The following USH2A variants were observed in gnomAD, a reference collection of about 807,000 sequenced individuals.
The protein encoded by USH2A is Usher syndrome 2A (autosomal recessive, mild).
In USH2A, 443 loss-of-function variants were observed where a neutral mutation model predicts 538.9. The observed-to-expected ratio is 0.82, with a 90% CI of 0.76 to 0.89. The LOEUF (loss-of-function observed/expected upper bound fraction) is 0.89. Ranked by LOEUF, USH2A falls within the 40% of genes least tolerant of loss-of-function variation. USH2A has a pLI of 0.00. For synonymous variants in USH2A, 2,413 were observed against 2,273.5 expected (o/e 1.06, Z -1.75); for missense variants, 6,633 against 6,324.8 (o/e 1.05, Z -1.65).
At chr1:215,932,380 A>G (rs1666387529) in intron 38 of USH2A, among the ~76,000 whole-genome samples, 1 of 152,020 alleles carries the variant, frequency 6.6e-6, no homozygotes, top group Admixed American at 6.6e-5. Flanking sequence ...ATTCTACTTA[A>G]ACACACATAT....
chr1:215,802,064 C>T (rs544432829), intron 49 of USH2A, among the ~76,000 whole-genome samples: 12 of 151,456 alleles, frequency 7.9e-5, no homozygotes, highest in African/African-American at 2.9e-4. Context: ...AGTTGAATAT[C>T]CACATGCCAA....
chr1:216,322,140 GT>G (rs772760203), intron 8 of USH2A, among the ~76,000 whole-genome samples, 164 bp from the exon 9 acceptor site: 9 of 152,222 alleles, frequency 5.9e-5, no homozygotes, highest in Admixed American at 1.3e-4. Context: ...ATCCATACAC[GT>G]TTTTAATTTA....
intron 37 of USH2A, among the ~76,000 whole-genome samples, chr1:215,950,950 T>C (rs913396437): frequency 1.3e-5 from 2 of 152,224 alleles, no homozygotes; most frequent in African/African-American, 4.8e-5. Context: ...TCTTTTCTTC[T>C]TTATTAGTCT....
intron 44 of USH2A, among the ~76,000 whole-genome samples, chr1:215,854,123 C>T (rs1020801832): frequency 2.6e-5 from 4 of 152,156 alleles, no homozygotes; most frequent in Non-Finnish European, 5.9e-5. Context: ...TTACTGGGCT[C>T]ATAGTTCCAC....
chr1:216,138,713 G>C (rs2033537550), intron 21 of USH2A, among the ~76,000 whole-genome samples: 1 of 151,920 alleles, frequency 6.6e-6, no homozygotes, highest in Non-Finnish European at 1.5e-5. Flanking sequence ...CCCTGCTTCT[G>C]ACTCAGGGCA....
intron 56 of USH2A, among the ~76,000 whole-genome samples, chr1:215,764,455 A>T (rs1661070639): frequency 6.6e-6 from 1 of 152,146 alleles, no homozygotes; most frequent in South Asian, 2.1e-4. Flanking sequence ...TTCAATTCAA[A>T]ATCTTCCTGT....
chr1:216,316,488 T>C (rs1270510234), intron 9 of USH2A, among the ~76,000 whole-genome samples: 2 of 152,166 alleles, frequency 1.3e-5, no homozygotes, highest in East Asian at 1.9e-4. Flanking sequence ...ATGTCGCCCA[T>C]GTATAAGGAT....
rs116094580 is a variant in USH2A, at chr1:216,418,227, C to T, written c.651+287G>A. Among the ~76,000 whole-genome samples, 865 of 152,128 alleles carry T rather than the reference C, an allele frequency of 5.7e-3. 3 individuals carry two copies. The highest frequency in any genetic ancestry group is 0.02 in the African/African-American group (825 of 41,530). ...ACATTTTTAAACAAAATAGAATATA[C>T]GAACCCAAGAAAACAAAAATTTTCT... On this transcript the variant is annotated intron_variant, in intron 3 of 71. Transcript: ENST00000307340.
At chr1:216,249,030 C>T (rs374495194) in intron 12 of USH2A, among the ~76,000 whole-genome samples, 1 of 151,918 alleles carries the variant, frequency 6.6e-6, no homozygotes, top group Non-Finnish European at 1.5e-5. Flanking sequence ...TAACAGTTTG[C>T]TTTCTGAAGC....
intron 70 of USH2A, among the ~76,000 whole-genome samples, chr1:215,630,656 C>A (rs961441072): frequency 2.0e-5 from 3 of 150,914 alleles, no homozygotes; most frequent in African/African-American, 7.3e-5. Context: ...AGTTCGAGAC[C>A]AACCTGGCCA....
intron 43 of USH2A, among the ~76,000 whole-genome samples, chr1:215,875,345 A>T (rs1347955821): frequency 6.6e-6 from 1 of 152,220 alleles, no homozygotes; most frequent in Non-Finnish European, 1.5e-5. Flanking sequence ...TAAATAAAAA[A>T]AATCTGTGCA....
At chr1:216,245,770 T>G (rs1341944668) in intron 13 of USH2A, among the ~76,000 whole-genome samples, 4 of 152,164 alleles carry the variant, frequency 2.6e-5, no homozygotes, top group Non-Finnish European at 4.4e-5. Flanking sequence ...GCTGGATTCT[T>G]TGCTATGTTA....
intron 40 of USH2A, among the ~76,000 whole-genome samples, chr1:215,890,886 T>G (rs564254956): frequency 6.6e-6 from 1 of 152,308 alleles, no homozygotes; most frequent in South Asian, 2.1e-4. Context: ...GATTCAAGTC[T>G]TTAATGTCTA....
chr1:216,325,088 C>T (rs1462982748), intron 6 of USH2A, among the ~76,000 whole-genome samples: 2 of 152,060 alleles, frequency 1.3e-5, no homozygotes, highest in East Asian at 3.9e-4. Flanking sequence ...TGCCACAAGC[C>T]AAGTAACACC....
chr1:215,958,291 T>C (rs187586693), intron 37 of USH2A, among the ~76,000 whole-genome samples: 3 of 152,252 alleles, frequency 2.0e-5, no homozygotes, highest in Non-Finnish European at 4.4e-5. Context: ...TTTAGAGATT[T>C]AGAGCATTTG....
chr1:216,231,744 C>T (rs1025456308), intron 14 of USH2A, among the ~76,000 whole-genome samples: 1 of 151,966 alleles, frequency 6.6e-6, no homozygotes, highest in Non-Finnish European at 1.5e-5. Context: ...GACGGGGTTT[C>T]ACCGTGTTGG....
intron 3 of USH2A, among the ~76,000 whole-genome samples, chr1:216,409,216 T>C (rs547382975): frequency 6.6e-6 from 1 of 152,102 alleles, no homozygotes; most frequent in Admixed American, 6.6e-5. Context: ...CTCAAATAAA[T>C]CAGAGATGAC....
At chr1:216,032,821 C>T (rs996371314) in intron 32 of USH2A, among the ~76,000 whole-genome samples, 2 of 152,066 alleles carry the variant, frequency 1.3e-5, no homozygotes, top group Non-Finnish European at 2.9e-5. Flanking sequence ...GGACCTTGGC[C>T]TTACCACTGC....
intron 4 of USH2A, among the ~76,000 whole-genome samples, chr1:216,350,035 C>G (rs978861146): frequency 1.3e-5 from 2 of 151,996 alleles, no homozygotes; most frequent in African/African-American, 4.8e-5. Flanking sequence ...CCTCAGGAAG[C>G]CCACAATAAT....
Sources: gnomAD v4.1 joint callset for allele counts (sites outside exome capture counted in the v4.1 genomes callset) on GRCh38, gnomAD v4.1.1 for gene constraint, MANE v1.5 for transcripts, NCBI Gene and HGNC (gene_info 2026-07-23, HGNC 2026-07-21) for gene names.